BTBD8: variants seen among roughly 807,000 people sequenced by gnomAD.
The protein encoded by BTBD8 is BTB/POZ domain-containing protein 8.
BTBD8 carries 110 observed loss-of-function variants against 162.9 expected under a neutral mutation model. That is an observed-to-expected ratio of 0.68 (90% CI 0.58 to 0.79). BTBD8 has a LOEUF of 0.79. Among genes scored for constraint, BTBD8 ranks in the 30% least tolerant of loss-of-function variants. The pLI is 0.00. For missense variants in BTBD8, 1,905 were observed against 2,085.4 expected, an observed-to-expected ratio of 0.91 and a Z score of 1.68; for synonymous variants, 667 against 716.1, an observed-to-expected ratio of 0.93 and a Z score of 1.10.
At chr1:92,141,361 T>C (rs915923836) in intron 7 of BTBD8, 150 bp downstream of exon 7, 4 of 893,420 alleles carry the variant, frequency 4.5e-6, no homozygotes, top group African/African-American at 1.7e-5. Context: ...AAATAATTCA[T>C]ATGATCTGCT....
Position 92,107,972 on chromosome 1 carries a change from TG to T in BTBD8, c.634del (p.Val212LeufsTer13). On this transcript the variant is annotated frameshift_variant, in exon 4 of 18. Transcript: ENST00000636805. LOFTEE classifies it high-confidence loss of function. ...KPCCPDIDIF[V>X]DGKRFKAHRA... ...CTTGTTGCCCAGATATTGATATTTT[TG>T]TTGATGGAAAACGTTTTAAAGCTCA... 1 of 1,614,060 alleles carries T rather than the reference TG, an allele frequency of 6.2e-7. No individual in the cohort carries two copies. Among genetic ancestry groups the T allele is most frequent in the Non-Finnish European group, 8.5e-7 (1 of 1,179,926 alleles).
At chr1:92,128,672 G>T (rs185664072) in intron 4 of BTBD8, among the ~76,000 whole-genome samples, 7 of 151,500 alleles carry the variant, frequency 4.6e-5, no homozygotes, top group African/African-American at 1.7e-4. Flanking sequence ...CACCCGCCTC[G>T]GCCTCCCAAA....
rs1650916238 is a variant in BTBD8 at position 92,181,779 on chromosome 1, C to T, written c.4096C>T (p.Arg1366Ter). Residue 1366 changes from arginine to a stop codon, truncating the protein, a stop_gained, in exon 17 of 18, where the codon CGA becomes TGA. Coordinates refer to ENST00000636805, the MANE Select transcript of BTBD8 (RefSeq NM_001376131.1). LOFTEE classifies it high-confidence loss of function. ...VHSRERENIPRGSVQFAQEID... is the reference protein window; with the variant it reads ...VHSRERENIP ...CTCTAGGGAAAGAGAAAATATTCCA[C>T]GAGGCAGTGTCCAGTTTGCTCAGGA... The T allele has an allele frequency of 1.3e-6, 2 of 1,551,168 alleles. No homozygotes were observed. The highest frequency in any genetic ancestry group is 1.7e-6 in the Non-Finnish European group (2 of 1,146,904).
At chr1:92,164,395 A>G (rs1156311242) in intron 9 of BTBD8, among the ~76,000 whole-genome samples, 1 of 152,106 alleles carries the variant, frequency 6.6e-6, no homozygotes, top group Non-Finnish European at 1.5e-5. Context: ...AGGCGGGTGG[A>G]TCACTTGAAG....
intron 4 of BTBD8, among the ~76,000 whole-genome samples, chr1:92,110,507 T>C (rs1648859128): frequency 6.6e-6 from 1 of 152,230 alleles, no homozygotes; most frequent in Non-Finnish European, 1.5e-5. Flanking sequence ...CTGAATATTG[T>C]ATCCTGGGAT....
intron 4 of BTBD8, among the ~76,000 whole-genome samples, chr1:92,113,912 T>C (rs1184024741): frequency 6.7e-6 from 1 of 149,706 alleles, no homozygotes; most frequent in East Asian, 2.0e-4. Context: ...CTCAGGAGGC[T>C]AAGGCAGGAG....
rs60676530 is a variant in BTBD8, at chr1:92,106,660, C to CAAAAAA, written c.545-1200_545-1195dup. 1.1e-3 allele frequency among the ~76,000 whole-genome samples: 11 copies of CAAAAAA among 9,952 alleles called. 3 individuals are homozygous for CAAAAAA. The highest frequency in any genetic ancestry group is 3.0e-3 in the East Asian group (1 of 338). The allele number at this position is 9,952 out of a possible 152,430, so 6.5% of individuals were successfully genotyped here. ...TGGGCGACAGAGTAAGACTCTGTCTCAAAAAAAAAAAAAAAAAAAAAAAAA... is the reference window on the plus strand; with the variant it reads ...TGGGCGACAGAGTAAGACTCTGTCTCAAAAAAAAAAAAAAAAAAAAAAAAAAAAAAA... On this transcript the variant is annotated intron_variant, in intron 3 of 17. Transcript: ENST00000636805.
chr1:92,167,689 C>T lies in BTBD8; in HGVS notation c.1306-159C>T, dbSNP rs531229567. ...AATAAATAAATAAAAATAAAAGCTG[C>T]GTGCATATGCATATATGCGAATTTT... On this transcript the variant is annotated intron_variant, in intron 10 of 17. Transcript: ENST00000636805. 2.6e-4 allele frequency among the ~76,000 whole-genome samples: 39 copies of T among 152,190 alleles called. No homozygotes were observed. The East Asian group carries it at 7.1e-3, about 28-fold the overall frequency.
chr1:92,087,001 CATT>C lies in BTBD8; in HGVS notation c.150-1696_150-1694del, dbSNP rs113801357. ...ATGGAAAGAAGCTGGGCCTTGGCAT[CATT>C]GAGACTTCTCCAGTCTGTCCTTCCT... On this transcript the variant is annotated intron_variant, in intron 1 of 17. Transcript: ENST00000636805. Among the ~76,000 whole-genome samples, 629 of 152,298 alleles carry C rather than the reference CATT, an allele frequency of 4.1e-3. 2 individuals carry two copies. The highest frequency in any genetic ancestry group is 0.015 in the African/African-American group (611 of 41,568).
At chr1:92,139,250 T>C in intron 5 of BTBD8, 100 bp from the exon 6 acceptor site, 1 of 1,281,318 alleles carries the variant, frequency 7.8e-7, no homozygotes. Flanking sequence ...AAAAGGAAGA[T>C]TAGAACATCA....
At chr1:92,139,814 T>G (rs1649723912) in intron 6 of BTBD8, 1 of 162,778 alleles carries the variant, frequency 6.1e-6, no homozygotes. Flanking sequence ...AGGGGCTGGG[T>G]GCGGTGGCTC....
chr1:92,087,990 A>G (rs779141441), intron 1 of BTBD8, among the ~76,000 whole-genome samples: 14 of 152,242 alleles, frequency 9.2e-5, no homozygotes, highest in African/African-American at 2.9e-4. Flanking sequence ...CTATTCTTCT[A>G]TCACTCACGT....
intron 2 of BTBD8, among the ~76,000 whole-genome samples, chr1:92,101,118 A>G (rs1242714153): frequency 6.6e-6 from 1 of 152,074 alleles, no homozygotes; most frequent in Non-Finnish European, 1.5e-5. Flanking sequence ...CCATTGTATC[A>G]TTCTTATGTC....
At chr1:92,107,777 A>G (rs1648772915) in intron 3 of BTBD8, 107 bp from the exon 4 acceptor site, 5 of 838,570 alleles carry the variant, frequency 6.0e-6, no homozygotes, top group Non-Finnish European at 9.1e-6. Context: ...TACATATTCC[A>G]ACTAATTGAG....
intron 7 of BTBD8, among the ~76,000 whole-genome samples, chr1:92,142,271 T>C (rs762218640): frequency 3.3e-5 from 5 of 152,200 alleles, no homozygotes; most frequent in Non-Finnish European, 5.9e-5. Context: ...TATGTCTCCC[T>C]CATATTTCCA....
chr1:92,147,357 C>A, intron 8 of BTBD8, 89 bp downstream of exon 8: 1 of 1,153,532 alleles, frequency 8.7e-7, no homozygotes, highest in Non-Finnish European at 1.3e-6. Context: ...TAGAGTTGGC[C>A]TGTTTTCTTG....
intron 9 of BTBD8, among the ~76,000 whole-genome samples, chr1:92,157,871 C>G (rs1159542021): frequency 1.3e-5 from 2 of 152,172 alleles, no homozygotes; most frequent in East Asian, 1.9e-4. Flanking sequence ...TGCTTTCTCT[C>G]TCTCTCTTCA....
intron 5 of BTBD8, among the ~76,000 whole-genome samples, chr1:92,137,272 C>T (rs1017233430): frequency 6.6e-6 from 1 of 151,938 alleles, no homozygotes; most frequent in African/African-American, 2.4e-5. Context: ...GATACTATAT[C>T]GTATATTCAT....
intron 9 of BTBD8, among the ~76,000 whole-genome samples, chr1:92,166,684 C>T (rs1471618526): frequency 2.6e-5 from 4 of 152,074 alleles, no homozygotes; most frequent in African/African-American, 9.7e-5. Context: ...CTCAGCCTCC[C>T]AAAGTACTGG....
Sources: gnomAD v4.1 joint callset for allele counts (sites outside exome capture counted in the v4.1 genomes callset) on GRCh38, gnomAD v4.1.1 for gene constraint, MANE v1.5 for transcripts, NCBI Gene and HGNC (gene_info 2026-07-23, HGNC 2026-07-21) for gene names.